Variants in CWC27 observed in about 807,000 individuals in gnomAD.
The protein encoded by CWC27 is CWC27 spliceosome associated cyclophilin, also known as spliceosome-associated protein CWC27 homolog.
In CWC27, 47 loss-of-function variants were observed where a neutral mutation model predicts 63.6. The ratio of observed to expected loss-of-function variants is 0.74; its 90% confidence interval spans 0.58 to 0.94. CWC27 has a LOEUF of 0.94. CWC27 is among the 40% of genes least tolerant of loss of function. CWC27 has a pLI of 0.00. For synonymous variants in CWC27, 175 were observed against 179.8 expected (o/e 0.97, Z 0.22); for missense variants, 495 against 554.3 (o/e 0.89, Z 1.07).
intron 2 of CWC27, among the ~76,000 whole-genome samples, chr5:64,780,423 T>C (rs1743628066): frequency 6.6e-6 from 1 of 150,782 alleles, no homozygotes; most frequent in Non-Finnish European, 1.5e-5. Context: ...AATATATATA[T>C]TTTGGATATA....
chr5:64,945,196 C>G (rs934581878), intron 11 of CWC27, among the ~76,000 whole-genome samples: 3 of 152,104 alleles, frequency 2.0e-5, no homozygotes, highest in African/African-American at 7.2e-5. Flanking sequence ...CCACTTCTAC[C>G]TGACACTCCC....
At chr5:64,841,144 G>A (rs1319962977) in intron 10 of CWC27, among the ~76,000 whole-genome samples, 1 of 152,164 alleles carries the variant, frequency 6.6e-6, no homozygotes, top group African/African-American at 2.4e-5. Context: ...CTGGAGGCTG[G>A]GAAGTCCAAG....
At chr5:64,844,451 C>A (rs1745921378) in intron 10 of CWC27, among the ~76,000 whole-genome samples, 1 of 152,126 alleles carries the variant, frequency 6.6e-6, no homozygotes, top group Non-Finnish European at 1.5e-5. Context: ...CCTTAGGCTG[C>A]TAGTTTCCCA....
intron 11 of CWC27, among the ~76,000 whole-genome samples, chr5:64,930,546 A>C (rs1748216747): frequency 1.3e-5 from 2 of 152,164 alleles, no homozygotes; most frequent in South Asian, 4.1e-4. Context: ...GTAAGATAAC[A>C]AACAATAAAT....
rs1463136756 is a variant in CWC27, at chr5:64,776,646, A to G, written c.139+1859A>G. 2.0e-5 allele frequency among the ~76,000 whole-genome samples: 3 copies of G among 152,298 alleles called. No homozygotes were observed. The South Asian group carries it at 6.2e-4, about 32-fold the overall frequency. ...AAGCCTAAGAAGACTGATTTAAACA[A>G]GGATACTCCTAAATAAGTTAAGTCA... On this transcript the variant is annotated intron_variant, in intron 2 of 13. Transcript: ENST00000381070.
intron 10 of CWC27, among the ~76,000 whole-genome samples, chr5:64,846,685 C>T (rs1350876898): frequency 1.3e-5 from 2 of 151,936 alleles, no homozygotes; most frequent in African/African-American, 4.8e-5. Flanking sequence ...ACCAAACATC[C>T]AGAAAAAAAC....
intron 7 of CWC27, among the ~76,000 whole-genome samples, chr5:64,793,389 A>G (rs765776267): frequency 5.3e-4 from 81 of 152,162 alleles, no homozygotes; most frequent in Non-Finnish European, 8.7e-4. Flanking sequence ...AACAAGAACA[A>G]TACTGTTGAA....
At chr5:64,943,281 A>T (rs1748524069) in intron 11 of CWC27, among the ~76,000 whole-genome samples, 1 of 152,198 alleles carries the variant, frequency 6.6e-6, no homozygotes, top group African/African-American at 2.4e-5. Flanking sequence ...TTTTCCATTT[A>T]TTTTTATGAA....
chr5:64,775,161 T>A (rs1017450621), intron 2 of CWC27, among the ~76,000 whole-genome samples: 22 of 152,332 alleles, frequency 1.4e-4, no homozygotes, highest in South Asian at 6.2e-4. Flanking sequence ...CATTAAGAAC[T>A]TCAGTCATTT....
At chr5:64,924,233 ATTTC>A (rs2112393982) in intron 11 of CWC27, among the ~76,000 whole-genome samples, 2 of 152,272 alleles carry the variant, frequency 1.3e-5, no homozygotes, top group South Asian at 4.1e-4. Flanking sequence ...CTCTGAACCT[ATTTC>A]TTTATCTTGA....
At chr5:65,003,369 G>A (rs949679121) in intron 13 of CWC27, among the ~76,000 whole-genome samples, 12 of 151,840 alleles carry the variant, frequency 7.9e-5, no homozygotes, top group South Asian at 2.1e-4. Context: ...TCCTCTCTTC[G>A]TTTTTTATTA....
chr5:64,804,111 AAAT>A (rs1375352903), intron 9 of CWC27, 115 bp from the exon 10 acceptor site: 5 of 940,054 alleles, frequency 5.3e-6, no homozygotes, highest in Non-Finnish European at 7.5e-6. Context: ...AAAGAAAACA[AAAT>A]AAAAAAAAAA....
At chr5:64,959,900 G>A (rs1315574259) in intron 11 of CWC27, among the ~76,000 whole-genome samples, 2 of 152,178 alleles carry the variant, frequency 1.3e-5, no homozygotes, top group Non-Finnish European at 2.9e-5. Flanking sequence ...CAGCCTGGAG[G>A]GCAATATAAA....
At chr5:64,893,992 C>T (rs1434589678) in intron 11 of CWC27, among the ~76,000 whole-genome samples, 1 of 150,262 alleles carries the variant, frequency 6.7e-6, no homozygotes, top group Non-Finnish European at 1.5e-5. Flanking sequence ...TGCAGTGGCA[C>T]GATCTCCACT....
At chr5:64,801,507 T>G (rs1443776832) in intron 9 of CWC27, among the ~76,000 whole-genome samples, 175 bp downstream of exon 9, 1 of 152,090 alleles carries the variant, frequency 6.6e-6, no homozygotes, top group Non-Finnish European at 1.5e-5. Context: ...ACTATTTCCT[T>G]ACTCTAGGGG....
intron 11 of CWC27, among the ~76,000 whole-genome samples, chr5:64,922,170 T>C (rs1748010144): frequency 6.6e-6 from 1 of 152,204 alleles, no homozygotes; most frequent in South Asian, 2.1e-4. Context: ...AATTTGAATG[T>C]CAATCTCTCT....
intron 3 of CWC27, among the ~76,000 whole-genome samples, chr5:64,783,596 A>G (rs6414802): frequency 0.97 from 147,937 of 152,314 alleles, 71,878 homozygotes; most frequent in East Asian, 1. Flanking sequence ...CTTCCTTTAG[A>G]TGTAACTAAG....
At chr5:64,864,086 T>C (rs763831139) in intron 10 of CWC27, among the ~76,000 whole-genome samples, 1 of 152,226 alleles carries the variant, frequency 6.6e-6, no homozygotes, top group African/African-American at 2.4e-5. Flanking sequence ...CTTATTTTTT[T>C]ATTACCAATT....
chr5:64,984,477 TG>T, intron 13 of CWC27, among the ~76,000 whole-genome samples: 1 of 152,306 alleles, frequency 6.6e-6, no homozygotes. Context: ...CAGGTACAAA[TG>T]GGCATGGAAA....
Sources: gnomAD v4.1 joint callset for allele counts (sites outside exome capture counted in the v4.1 genomes callset) on GRCh38, gnomAD v4.1.1 for gene constraint, MANE v1.5 for transcripts, NCBI Gene and HGNC (gene_info 2026-07-23, HGNC 2026-07-21) for gene names.